Variants in MAP3K19 observed in about 807,000 individuals in gnomAD.
MAP3K19 encodes the protein mitogen-activated protein kinase kinase kinase 19.
MAP3K19 carries 91 observed loss-of-function variants against 114.4 expected under a neutral mutation model. The ratio of observed to expected loss-of-function variants is 0.80; its 90% CI spans 0.67 to 0.95. The LOEUF is 0.95. Ranked by LOEUF, MAP3K19 falls within the 40% of genes least tolerant of loss-of-function variation. MAP3K19 has a pLI of 0.00. For missense variants in MAP3K19, 1,471 were observed against 1,573.2 expected (o/e 0.94, Z 1.10); for synonymous variants, 518 against 530.5 (o/e 0.98, Z 0.32).
intron 10 of MAP3K19, among the ~76,000 whole-genome samples, chr2:134,984,600 C>A (rs1684958788): frequency 6.6e-6 from 1 of 152,122 alleles, no homozygotes; most frequent in Non-Finnish European, 1.5e-5. Context: ...GCAAACAGTC[C>A]AGGAAGCTAT....
chr2:135,011,961 T>A (rs1559179695), intron 5 of MAP3K19, among the ~76,000 whole-genome samples: 1 of 152,228 alleles, frequency 6.6e-6, no homozygotes. Flanking sequence ...TTAGTCCTTT[T>A]AAAAAGAAAA....
intron 11 of MAP3K19, among the ~76,000 whole-genome samples, chr2:134,982,347 TTTTTC>T (rs1189959036): frequency 6.8e-6 from 1 of 147,408 alleles, no homozygotes; most frequent in Non-Finnish European, 1.5e-5. Flanking sequence ...CTCACAGATT[TTTTTC>T]TTTTTTTTTT....
intron 2 of MAP3K19, among the ~76,000 whole-genome samples, chr2:135,036,109 C>T (rs1015282285): frequency 1.6e-4 from 24 of 152,320 alleles, no homozygotes; most frequent in African/African-American, 5.8e-4. Context: ...GCTGGGATTA[C>T]AGGTTTGAGC....
chr2:134,978,668 C>T (rs56858653), intron 12 of MAP3K19, among the ~76,000 whole-genome samples: 9,019 of 152,156 alleles, frequency 0.059, 753 homozygotes, highest in East Asian at 0.38. Context: ...AATGTGAAAT[C>T]CTATCATTCT....
At chr2:135,016,046 T>A (rs1043250986) in intron 5 of MAP3K19, among the ~76,000 whole-genome samples, 1 of 151,322 alleles carries the variant, frequency 6.6e-6, no homozygotes, top group African/African-American at 2.4e-5. Context: ...AAGCCAGGAG[T>A]TCAAGAACAC....
chr2:134,977,507 T>C (rs1156419152), intron 12 of MAP3K19, among the ~76,000 whole-genome samples: 1 of 151,520 alleles, frequency 6.6e-6, no homozygotes, highest in Non-Finnish European at 1.5e-5. Context: ...GGACTACAGG[T>C]GCCTGCCACC....
chr2:134,990,168 C>T (rs1426921372), intron 9 of MAP3K19, among the ~76,000 whole-genome samples: 1 of 152,026 alleles, frequency 6.6e-6, no homozygotes, highest in Non-Finnish European at 1.5e-5. Context: ...CATGGCAAGG[C>T]ATAATTTTCC....
In MAP3K19 at chr2:135,027,718, T is replaced by A. The variant is rs193052731; in HGVS notation, c.-95+2594A>T. The stretch of plus-strand genomic sequence containing the variant: ...TTAAAAACATGCAGCTTTATTTCTG[T>A]TGTGTTTTTACTGCATAGCTCTTTA... On this transcript the variant is annotated intron_variant, in intron 3 of 12. Coordinates refer to ENST00000392915, the MANE Select transcript of MAP3K19 (RefSeq NM_025052.5). 6.1e-4 allele frequency among the ~76,000 whole-genome samples: 93 copies of A among 152,354 alleles called. 1 individual carries two copies. The highest frequency in any genetic ancestry group is 5.2e-3 in the Admixed American group (79 of 15,306).
Position 134,999,871 on chromosome 2 carries a change from T to C in MAP3K19, c.314+66A>G. Reference sequence around the variant, plus strand: ...TGGATTCAATTACTAATAATGTAGGTTGCCATATGACTATCATTGCTTCAT... The same window carrying C: ...TGGATTCAATTACTAATAATGTAGGCTGCCATATGACTATCATTGCTTCAT... On this transcript the variant is annotated intron_variant, in intron 7 of 12. Transcript: ENST00000392915. The surrounding 1 kb of genome is among the most constrained non-coding windows in gnomAD (Gnocchi z 4.1). 2.0e-6 allele frequency: 2 copies of C among 1,008,026 alleles called. No homozygotes were observed. Among genetic ancestry groups the C allele is most frequent in the African/African-American group, 1.6e-5 (1 of 63,174 alleles). 62.4% of individuals were successfully genotyped at this position (1,008,026 alleles called of 1,614,324 possible).
chr2:134,978,189 ATTT>A (rs113734947), intron 12 of MAP3K19, among the ~76,000 whole-genome samples: 1 of 137,150 alleles, frequency 7.3e-6, no homozygotes, highest in African/African-American at 2.6e-5. Flanking sequence ...CCTTATAATG[ATTT>A]TTTTTTTTTT....
At chr2:134,977,678 G>A (rs1363792018) in intron 12 of MAP3K19, among the ~76,000 whole-genome samples, 3 of 151,812 alleles carry the variant, frequency 2.0e-5, no homozygotes, top group Admixed American at 6.6e-5. Context: ...TAAATTTTTT[G>A]TAGAAACAGG....
chr2:134,967,875 T>A (rs1197846599), intron 12 of MAP3K19, among the ~76,000 whole-genome samples: 9 of 151,986 alleles, frequency 5.9e-5, no homozygotes, highest in East Asian at 1.9e-4. Flanking sequence ...TTTTTTTATT[T>A]TTTATTGATC....
At chr2:135,016,574 T>C (rs1687597743) in intron 5 of MAP3K19, among the ~76,000 whole-genome samples, 1 of 152,224 alleles carries the variant, frequency 6.6e-6, no homozygotes, top group Admixed American at 6.5e-5. Flanking sequence ...TGGGACTGTG[T>C]TGAATCTACA....
intron 12 of MAP3K19, among the ~76,000 whole-genome samples, chr2:134,977,889 T>C (rs1445922145): frequency 1.3e-5 from 2 of 152,184 alleles, no homozygotes; most frequent in East Asian, 3.8e-4. Flanking sequence ...CCCATTCCTC[T>C]ATAGAAATTG....
chr2:134,972,481 T>G, intron 12 of MAP3K19, among the ~76,000 whole-genome samples: 1 of 152,176 alleles, frequency 6.6e-6, no homozygotes, highest in Non-Finnish European at 1.5e-5. Context: ...TAAATTTTTA[T>G]ACTTTTTTAA....
At chr2:134,972,602 A>T (rs917106431) in intron 12 of MAP3K19, among the ~76,000 whole-genome samples, 1 of 146,490 alleles carries the variant, frequency 6.8e-6, no homozygotes, top group African/African-American at 2.5e-5. Context: ...TAGCTAGCTA[A>T]TTTTTTTTTT....
At chr2:134,968,004 C>T (rs545869844) in intron 12 of MAP3K19, among the ~76,000 whole-genome samples, 2 of 152,024 alleles carry the variant, frequency 1.3e-5, no homozygotes, top group Admixed American at 6.5e-5. Flanking sequence ...GAGGACCCTG[C>T]GGCCTTCCGC....
Position 134,964,787 on chromosome 2 carries a change from A to G in MAP3K19, c.*63T>C. 3.1e-6 allele frequency: 4 copies of G among 1,308,510 alleles called. No homozygotes were observed. The highest frequency in any genetic ancestry group is 3.3e-6 in the Non-Finnish European group (3 of 910,452). 81.1% of individuals were successfully genotyped at this position (1,308,510 alleles called of 1,614,324 possible). A position where few individuals can be genotyped will look rare whatever the true frequency, so the allele number is the denominator to read the frequency against. On this transcript the variant is annotated 3_prime_UTR_variant, in exon 13 of 13. Coordinates refer to ENST00000392915, the MANE Select transcript of MAP3K19 (RefSeq NM_025052.5). ...GGGAAACAAAGATCCCTTAGCCATC[A>G]TTCCCCACAATTAAGCAAGGGAGCA...
At chr2:135,046,227 T>A (rs1247248776) in intron 1 of MAP3K19, among the ~76,000 whole-genome samples, 1 of 152,214 alleles carries the variant, frequency 6.6e-6, no homozygotes, top group East Asian at 1.9e-4. Context: ...CATTTTAGGT[T>A]TTTTTCATAA....
Sources: gnomAD v4.1 joint callset for allele counts (sites outside exome capture counted in the v4.1 genomes callset) on GRCh38, gnomAD v4.1.1 for gene constraint, Gnocchi (gnomAD v3.1) non-coding constraint, MANE v1.5 for transcripts, NCBI Gene and HGNC (gene_info 2026-07-23, HGNC 2026-07-21) for gene names.